Variants in LINGO2 observed in about 807,000 individuals in gnomAD.
The protein encoded by LINGO2 is leucine rich repeat and Ig domain containing 2, also known as leucine-rich repeat and immunoglobulin-like domain-containing nogo receptor-interacting protein 2.
Under a neutral mutation model 30.6 loss-of-function variants are expected in LINGO2, and 14 were observed. That is an observed-to-expected ratio of 0.46 (90% confidence interval 0.30 to 0.72). The LOEUF (loss-of-function observed/expected upper bound fraction) is 0.72. Among genes scored for constraint, LINGO2 ranks in the 30% least tolerant of loss-of-function variants. The pLI is 0.07. For missense variants in LINGO2, 729 were observed against 751.7 expected (o/e 0.97, Z 0.35); for synonymous variants, 317 against 288.5 (o/e 1.10, Z -1.00).
the LINGO2 span, among the ~76,000 whole-genome samples, chr9:29,120,142 T>A: frequency 1.8e-4 from 28 of 152,332 alleles, no homozygotes; most frequent in African/African-American, 6.3e-4. Flanking sequence ...AATGCCAATA[T>A]CCAAGGCTTT....
chr9:28,055,728 T>C (rs1167318795), intron 4 of LINGO2, among the ~76,000 whole-genome samples: 3 of 152,200 alleles, frequency 2.0e-5, no homozygotes, highest in Non-Finnish European at 4.4e-5. Context: ...TTAAAAGATA[T>C]GTACTCAAAG....
At chr9:28,225,717 C>T (rs1032299878) in intron 4 of LINGO2, among the ~76,000 whole-genome samples, 23 of 151,934 alleles carry the variant, frequency 1.5e-4, no homozygotes, top group African/African-American at 5.5e-4. Context: ...CACAAGCAAG[C>T]AATGTGAAAA....
the LINGO2 span, among the ~76,000 whole-genome samples, chr9:29,115,028 C>T: frequency 6.6e-6 from 1 of 151,956 alleles, no homozygotes; most frequent in Admixed American, 6.6e-5. Flanking sequence ...TGTGTACCAC[C>T]TCACTAATAA....
At chr9:28,088,203 TACACACAC>T (rs56044203) in intron 4 of LINGO2, among the ~76,000 whole-genome samples, 24,489 of 148,230 alleles carry the variant, frequency 0.17, 2,070 homozygotes, top group Middle Eastern at 0.2. Context: ...TATATAATTA[TACACACAC>T]ACACACACAC....
intron 4 of LINGO2, among the ~76,000 whole-genome samples, chr9:28,284,271 C>A (rs1242263267): frequency 1.3e-5 from 2 of 152,114 alleles, no homozygotes; most frequent in Admixed American, 6.5e-5. Flanking sequence ...TGGGTGAACT[C>A]ACTTCCTCCC....
chr9:29,078,981 G>A, the LINGO2 span, among the ~76,000 whole-genome samples: 1 of 151,836 alleles, frequency 6.6e-6, no homozygotes, highest in Non-Finnish European at 1.5e-5. Flanking sequence ...TATGAAGTAG[G>A]AAGCATTATA....
the LINGO2 span, among the ~76,000 whole-genome samples, chr9:28,811,480 G>A: frequency 1.5e-4 from 23 of 152,076 alleles, no homozygotes; most frequent in Admixed American, 1.0e-3. Context: ...AAACTGGGAA[G>A]TGAACCCAAA....
At chr9:28,222,657 G>C (rs1264955298) in intron 4 of LINGO2, among the ~76,000 whole-genome samples, 1 of 152,102 alleles carries the variant, frequency 6.6e-6, no homozygotes, top group Non-Finnish European at 1.5e-5. Flanking sequence ...TATTTGATTT[G>C]GTTTAATAAC....
chr9:29,194,680 C>A, the LINGO2 span, among the ~76,000 whole-genome samples: 1 of 152,160 alleles, frequency 6.6e-6, no homozygotes, highest in Non-Finnish European at 1.5e-5. Context: ...GGCAAGAGAT[C>A]CCTGAGTAGT....
chr9:29,109,537 T>C, the LINGO2 span, among the ~76,000 whole-genome samples: 2 of 152,170 alleles, frequency 1.3e-5, no homozygotes, highest in Non-Finnish European at 2.9e-5. Context: ...TCTAGGCACC[T>C]ACAAGTTAAA....
the LINGO2 span, among the ~76,000 whole-genome samples, chr9:29,054,277 T>G: frequency 2.6e-5 from 4 of 152,174 alleles, no homozygotes; most frequent in Admixed American, 2.6e-4. Context: ...CAAATTTCAA[T>G]GCTTATATTG....
intron 2 of LINGO2, among the ~76,000 whole-genome samples, chr9:28,412,452 C>A (rs1224704788): frequency 6.6e-6 from 1 of 151,952 alleles, no homozygotes; most frequent in African/African-American, 2.4e-5. Flanking sequence ...AATTAAAAAA[C>A]ATGCAAATTG....
intron 1 of LINGO2, among the ~76,000 whole-genome samples, chr9:28,534,724 T>C (rs919145699): frequency 6.6e-6 from 1 of 152,148 alleles, no homozygotes; most frequent in Non-Finnish European, 1.5e-5. Context: ...GAATTAAATA[T>C]AGAAACTTAG....
upstream of LINGO2, among the ~76,000 whole-genome samples, chr9:28,673,094 G>C (rs1829084008): frequency 6.6e-6 from 1 of 152,040 alleles, no homozygotes; most frequent in Non-Finnish European, 1.5e-5. Context: ...TGTGTTTGTA[G>C]GGTATTTTTT....
At chr9:28,342,605 TATG>T (rs112466415) in intron 3 of LINGO2, among the ~76,000 whole-genome samples, 2,626 of 152,176 alleles carry the variant, frequency 0.017, 70 homozygotes, top group African/African-American at 0.052. Context: ...ACTTCAATTC[TATG>T]ATATCTTAGA....
the LINGO2 span, among the ~76,000 whole-genome samples, chr9:28,843,795 G>A: frequency 6.6e-6 from 1 of 151,608 alleles, no homozygotes; most frequent in Non-Finnish European, 1.5e-5. Flanking sequence ...TGTATTTTTT[G>A]CTTATGTTCT....
At chr9:28,405,974 C>A (rs1315783767) in intron 2 of LINGO2, among the ~76,000 whole-genome samples, 2 of 152,120 alleles carry the variant, frequency 1.3e-5, no homozygotes, top group Non-Finnish European at 1.5e-5. Flanking sequence ...TACTTTAATT[C>A]CTAAATATGC....
chr9:29,139,093 C>T, the LINGO2 span, among the ~76,000 whole-genome samples: 1 of 152,122 alleles, frequency 6.6e-6, no homozygotes, highest in Non-Finnish European at 1.5e-5. Context: ...TTTATGGAGA[C>T]GCTTATAAGG....
the LINGO2 span, among the ~76,000 whole-genome samples, chr9:28,962,624 C>T: frequency 6.6e-6 from 1 of 151,854 alleles, no homozygotes; most frequent in African/African-American, 2.4e-5. Context: ...GCTGTATTAA[C>T]TGTAAAAGTT....
Sources: allele counts gnomAD v4.1 joint callset (sites outside exome capture counted in the v4.1 genomes callset), GRCh38; gene constraint gnomAD v4.1.1; transcripts MANE v1.5; gene names NCBI Gene and HGNC (gene_info 2026-07-23, HGNC 2026-07-21).